Variants in FAM50A observed in about 807,000 individuals in gnomAD.
FAM50A encodes protein FAM50A.
A neutral mutation model predicts 35.5 loss-of-function variants in FAM50A; 6 were observed. That is an observed-to-expected ratio of 0.17 (90% CI 0.09 to 0.33). The LOEUF is 0.33. Ranked by LOEUF, FAM50A falls within the 10% of genes least tolerant of loss-of-function variation. The probability of loss-of-function intolerance (pLI) is 1.00; values close to 1 mark genes in which losing one functional copy is unlikely to be tolerated. For synonymous variants in FAM50A, 120 were observed against 110.9 expected, an observed-to-expected ratio of 1.08 and a Z score of -0.52; for missense variants, 145 against 295.5, an observed-to-expected ratio of 0.49 and a Z score of 3.73.
rs1557199527 is a variant in FAM50A at position 154,444,292 on chromosome X, G to A, written c.57G>A (p.Lys19=). 3.6e-6 allele frequency: 4 copies of A among 1,120,294 alleles called. No homozygotes were observed. Among genetic ancestry groups the A allele is most frequent in the Non-Finnish European group, 4.7e-6 (4 of 849,291 alleles). The allele number at this position is 1,120,294 out of a possible 1,213,427, so 92.3% of individuals were successfully genotyped here. ...SEAGRAMHLM[K]KREKQREQME... is the part of the protein sequence containing the mutation. ...CCGGCCGCGCCATGCACCTGATGAA[G>A]AAGCGGGAGAAGCAGCGCGAGCAGA... The change falls in exon 1 of 13, where the codon AAG becomes AAA. Residue 19 remains lysine (K), a synonymous_variant. Coordinates refer to ENST00000393600, the MANE Select transcript of FAM50A (RefSeq NM_004699.4).
Position 154,444,290 on chromosome X carries a change from A to G in FAM50A, c.55A>G (p.Lys19Glu), listed in dbSNP as rs868964476. The part of the protein sequence containing the change: ...SEAGRAMHLM[K>E]KREKQREQME... ...GGCCGGCCGCGCCATGCACCTGATG[A>G]AGAAGCGGGAGAAGCAGCGCGAGCA... Residue 19 changes from lysine (K) to glutamate (E), a missense_variant, in exon 1 of 13, where the codon AAG becomes GAG. By Grantham distance (56) the Lys-to-Glu change is moderately conservative. Coordinates refer to ENST00000393600, the MANE Select transcript of FAM50A (RefSeq NM_004699.4). The G allele has an allele frequency of 8.9e-7, 1 of 1,121,758 alleles. No homozygotes were observed. The highest frequency in any genetic ancestry group is 1.2e-6 in the Non-Finnish European group (1 of 849,730). 92.4% of individuals were successfully genotyped at this position (1,121,758 alleles called of 1,213,427 possible). A position where few individuals can be genotyped will look rare whatever the true frequency, so the allele number is the denominator to read the frequency against.
rs371901172 is a variant in FAM50A, at chrX:154,448,877, C to T, written c.587-16C>T. 9.1e-6 allele frequency: 11 copies of T among 1,207,268 alleles called. No individual in the cohort carries two copies. In the African/African-American group the frequency reaches 1.9e-4, roughly 21 times the overall value. ...CTCAGTGGGGCTGGAGACCAAGAGG[C>T]AGCTCTGCCTTGTAGGTGAGGAGAT... On this transcript the variant is annotated splice_polypyrimidine_tract_variant and intron_variant, in intron 6 of 12. Coordinates refer to ENST00000393600, the MANE Select transcript of FAM50A (RefSeq NM_004699.4).
chrX:154,445,764 C>T (rs2068779966), intron 2 of FAM50A, 47 bp downstream of exon 2: 1 of 1,187,898 alleles, frequency 8.4e-7, no homozygotes, highest in Admixed American at 2.2e-5. Context: ...GGCCACTCTT[C>T]CGCTGGCCCT....
At position 154,446,547 on chromosome X, in the gene FAM50A, G is replaced by A. The variant is rs782068161; in HGVS notation, c.429G>A (p.Glu143=). The change falls in exon 4 of 13, where the codon GAG becomes GAA. Residue 143 remains glutamate, a synonymous_variant. Transcript: ENST00000393600. ...EEEEAAMYEE[E]MEREEITTKK... The stretch of plus-strand genomic sequence containing the variant: ...AGGAGGCGGCCATGTATGAGGAGGA[G>A]ATGGAAAGGGAAGGTGAGGGCTGGC... 8.5e-7 allele frequency: 1 copy of A among 1,170,937 alleles called. No individual in the cohort carries two copies.
rs2068783345 is a variant in FAM50A, at chrX:154,446,538, TGAG to T, written c.427_429del (p.Glu143del). On this transcript the variant is annotated inframe_deletion, in exon 4 of 13. Transcript: ENST00000393600. ...AGGAGGAAGAGGAGGCGGCCATGTA[TGAG>T]GAGGAGATGGAAAGGGAAGGTGAGG... The T allele has an allele frequency of 8.5e-7, 1 of 1,175,553 alleles. No individual in the cohort carries two copies. Among genetic ancestry groups the T allele is most frequent in the Admixed American group, 2.4e-5 (1 of 42,455 alleles).
chrX:154,445,985 G>T, intron 3 of FAM50A, 74 bp downstream of exon 3: 1 of 794,039 alleles, frequency 1.3e-6, no homozygotes, highest in South Asian at 2.2e-5. Flanking sequence ...GGCTCTTTTT[G>T]CACCCTGGGG....
In FAM50A at chrX:154,449,834, G is replaced by T. The variant is rs782293748; in HGVS notation, c.781-49G>T. 14 of 1,198,268 alleles carry T rather than the reference G, an allele frequency of 1.2e-5. No homozygotes were observed. The East Asian group carries it at 3.0e-4, about 25-fold the overall frequency. ...GTGCGCAGGCGGGGGGTGTGGGGAGGGGCCGAGATGGACCATCAAGACGCC... is the reference window on the plus strand; with the variant it reads ...GTGCGCAGGCGGGGGGTGTGGGGAGTGGCCGAGATGGACCATCAAGACGCC... On this transcript the variant is annotated intron_variant, in intron 9 of 12. Coordinates refer to ENST00000393600, the MANE Select transcript of FAM50A (RefSeq NM_004699.4).
chrX:154,448,054 CT>C (rs1557200001), intron 4 of FAM50A, among the ~76,000 whole-genome samples: 1 of 91,467 alleles, frequency 1.1e-5, no homozygotes, highest in African/African-American at 5.5e-5. Context: ...TTTTGTTGTT[CT>C]TTTCTTTTTT....
chrX:154,449,419 C>A, intron 8 of FAM50A, 122 bp downstream of exon 8: 1 of 592,542 alleles, frequency 1.7e-6, no homozygotes, highest in Non-Finnish European at 2.9e-6. Context: ...GGGCACTCTC[C>A]TCCCAAAAGA....
chrX:154,449,920 G>A lies in FAM50A; in HGVS notation c.818G>A (p.Arg273Gln). ...TACGACTTCATCGTCACCAAGGCAC[G>A]GGGGAAGAGTGGTGAGTGCCGCCGA... ...SFYDFIVTKA[R>Q]GKSGPLFNFD... is the part of the protein sequence containing the mutation. Residue 273 changes from arginine (R) to glutamine (Q), a missense_variant, in exon 10 of 13, where the codon CGG (arginine) becomes CAG (glutamine). Transcript: ENST00000393600. 8.3e-7 allele frequency: 1 copy of A among 1,211,483 alleles called. No homozygotes were observed. Among genetic ancestry groups the A allele is most frequent in the Non-Finnish European group, 1.1e-6 (1 of 895,225 alleles).
At chrX:154,444,470 C>T in intron 1 of FAM50A, 124 bp downstream of exon 1, 1 of 282,571 alleles carries the variant, frequency 3.5e-6, no homozygotes. Flanking sequence ...CGGGGCAGGC[C>T]CCTGGCTCGC....
At position 154,450,520 on chromosome X, in the gene FAM50A, C is replaced by A; in HGVS notation, c.*88C>A. The A allele has an allele frequency of 9.9e-7, 1 of 1,008,805 alleles. No homozygotes were observed. The highest frequency in any genetic ancestry group is 2.4e-5 in the Admixed American group (1 of 41,852). The allele number at this position is 1,008,805 out of a possible 1,213,427, so 83.1% of individuals were successfully genotyped here. A position where few individuals can be genotyped will look rare whatever the true frequency, so the allele number is the denominator to read the frequency against. On this transcript the variant is annotated 3_prime_UTR_variant, in exon 13 of 13. Transcript: ENST00000393600. ...GGGACTCCAGGCACCCGCTCCCCTG[C>A]GACCATGCCAGGCACGCTGGGAGGA...
In FAM50A at chrX:154,446,519, A is replaced by G. The variant is rs1186520805; in HGVS notation, c.401A>G (p.Glu134Gly). 3.4e-6 allele frequency: 4 copies of G among 1,191,611 alleles called. No individual in the cohort carries two copies. The Admixed American group carries it at 6.7e-5, about 20-fold the overall frequency. Residue 134 changes from glutamate (E) to glycine (G), a missense_variant, in exon 4 of 13, where the codon GAA (glutamate) becomes GGA (glycine). Coordinates refer to ENST00000393600, the MANE Select transcript of FAM50A (RefSeq NM_004699.4). ...GAGGAAGAAGAGGGAGGCGAGGAGG[A>G]AGAGGAGGCGGCCATGTATGAGGAG... ...LEEEEEGGEE[E>G]EEAAMYEEEM...
At chrX:154,449,546 C>T (rs2068796195) in intron 8 of FAM50A, 135 bp from the exon 9 acceptor site, 1 of 571,641 alleles carries the variant, frequency 1.7e-6, no homozygotes, top group Non-Finnish European at 2.9e-6. Flanking sequence ...GCTCACTAAA[C>T]CATGGAGCTT....
chrX:154,446,719 T>A (rs1440560568), intron 4 of FAM50A, among the ~76,000 whole-genome samples, 159 bp downstream of exon 4: 1 of 111,854 alleles, frequency 8.9e-6, no homozygotes, highest in Non-Finnish European at 1.9e-5. Flanking sequence ...GAGGCTGGTC[T>A]AGACCAGGCT....
chrX:154,444,316 G>A lies in FAM50A; in HGVS notation c.81G>A (p.Gln27=). The A allele has an allele frequency of 8.9e-7, 1 of 1,120,389 alleles. No homozygotes were observed. The allele number at this position is 1,120,389 out of a possible 1,213,427, so 92.3% of individuals were successfully genotyped here. ...LMKKREKQRE[Q]MEQMKQRIAE... The stretch of plus-strand genomic sequence containing the variant: ...AGAAGCGGGAGAAGCAGCGCGAGCA[G>A]ATGGAGCAGATGAAGCAGCGCATCG... Residue 27 remains glutamine (Q), a synonymous_variant, in exon 1 of 13, where the codon CAG becomes CAA. Transcript: ENST00000393600.
Position 154,449,333 on chromosome X carries a change from G to A in FAM50A, c.725+36G>A, listed in dbSNP as rs782504746. ...TGCGTGTGTGCACGGTGGTGTGTGT[G>A]GCACCTGTGGCTCCAGCCTGGGTGC... On this transcript the variant is annotated intron_variant, in intron 8 of 12. Coordinates refer to ENST00000393600, the MANE Select transcript of FAM50A (RefSeq NM_004699.4). 9 of 1,097,782 alleles carry A rather than the reference G, an allele frequency of 8.2e-6. No homozygotes were observed. In the South Asian group the frequency reaches 1.5e-4, roughly 18 times the overall value. 90.5% of individuals were successfully genotyped at this position (1,097,782 alleles called of 1,213,427 possible).
intron 4 of FAM50A, 88 bp from the exon 5 acceptor site, chrX:154,448,396 C>G: frequency 1.2e-6 from 1 of 807,993 alleles, no homozygotes; most frequent in Admixed American, 2.3e-5. Flanking sequence ...CGACTGTTCT[C>G]AAGGTATGCT....
chrX:154,450,597 C>T lies in FAM50A; in HGVS notation c.*165C>T. 2 of 487,415 alleles carry T rather than the reference C, an allele frequency of 4.1e-6. No homozygotes were observed. The highest frequency in any genetic ancestry group is 6.9e-6 in the Non-Finnish European group (2 of 289,482). 40.2% of individuals were successfully genotyped at this position (487,415 alleles called of 1,213,427 possible). On this transcript the variant is annotated 3_prime_UTR_variant, in exon 13 of 13. Coordinates refer to ENST00000393600, the MANE Select transcript of FAM50A (RefSeq NM_004699.4). ...CTGCCACATCAGTGACTGCTTTATT[C>T]TTTTCCAATAAAGAAGTGCACGTGT...
Sources: gnomAD v4.1 joint callset for allele counts (sites outside exome capture counted in the v4.1 genomes callset) on GRCh38, gnomAD v4.1.1 for gene constraint, MANE v1.5 for transcripts, NCBI Gene and HGNC (gene_info 2026-07-23, HGNC 2026-07-21) for gene names.